Variants in FLNB observed in about 807,000 individuals in gnomAD.
The protein encoded by FLNB is filamin-B.
A neutral mutation model predicts 250.6 loss-of-function variants in FLNB; 111 were observed. That is an observed-to-expected ratio of 0.44 (90% confidence interval 0.38 to 0.52). The LOEUF (loss-of-function observed/expected upper bound fraction) is 0.52, where lower values mean the gene tolerates loss of function less well. Ranked by LOEUF, FLNB falls within the 20% of genes least tolerant of loss-of-function variation. FLNB has a pLI of 0.00. For synonymous variants in FLNB, 1,302 were observed against 1,372.1 expected (o/e 0.95, Z 1.13); for missense variants, 2,869 against 3,447.8 (o/e 0.83, Z 4.20).
At chr3:58,140,506 C>T (rs896544956) in intron 29 of FLNB, among the ~76,000 whole-genome samples, 9 of 152,220 alleles carry the variant, frequency 5.9e-5, no homozygotes, top group Non-Finnish European at 1.2e-4. Context: ...AATAGGCCTT[C>T]CTCTGTAGGA....
At chr3:58,148,614 TC>T in intron 35 of FLNB, 34 bp from the exon 36 acceptor site, 1 of 1,564,596 alleles carries the variant, frequency 6.4e-7, no homozygotes, top group South Asian at 1.1e-5. Flanking sequence ...CTCTCCGCCA[TC>T]CCCTTACAAG....
chr3:58,129,732 C>T (rs1462643175), intron 24 of FLNB, among the ~76,000 whole-genome samples: 6 of 152,214 alleles, frequency 3.9e-5, no homozygotes, highest in Admixed American at 2.0e-4. Flanking sequence ...TCAGCTTTCA[C>T]GGCAGTCATT....
chr3:58,018,567 G>A (rs1462242345), intron 1 of FLNB, among the ~76,000 whole-genome samples: 4 of 151,812 alleles, frequency 2.6e-5, no homozygotes, highest in Non-Finnish European at 4.4e-5. Flanking sequence ...CCAGGCTGGA[G>A]TACAGTGGCG....
At chr3:58,059,633 T>C (rs1375317465) in intron 1 of FLNB, among the ~76,000 whole-genome samples, 1 of 152,180 alleles carries the variant, frequency 6.6e-6, no homozygotes, top group Non-Finnish European at 1.5e-5. Context: ...TTGCCTGGCC[T>C]GCCCTTGGAC....
rs753404542 is a variant in FLNB at position 58,106,749 on chromosome 3, T to C, written c.1817T>C (p.Val606Ala). 6.2e-7 allele frequency: 1 copy of C among 1,614,172 alleles called. No individual in the cohort carries two copies. The highest frequency in any genetic ancestry group is 1.3e-5 in the African/African-American group (1 of 75,048). The change falls in exon 12 of 46, where the codon GTC becomes GCC. Residue 606 changes from valine to alanine, a missense_variant. Transcript: ENST00000295956. ...YNDQNDGSCD[V>A]KYWPKEPGEY... ...GACCAGAATGATGGATCGTGTGATG[T>C]CAAATACTGGCCCAAGGAGCCTGGC...
intron 1 of FLNB, among the ~76,000 whole-genome samples, chr3:58,062,597 G>A (rs1387585236): frequency 1.3e-5 from 2 of 152,176 alleles, no homozygotes; most frequent in Admixed American, 6.5e-5. Flanking sequence ...TTTTCTATCA[G>A]CAGTGGCCCC....
rs897317619 is a variant in FLNB, at chr3:58,172,019, G to A, written c.*1257G>A. On this transcript the variant is annotated 3_prime_UTR_variant, in exon 46 of 46. Coordinates refer to ENST00000295956, the MANE Select transcript of FLNB (RefSeq NM_001457.4). ...ATGTGTAGTGTGGTCTGGGCAGGCA[G>A]ACCTTTAGGTTTTGCTGCTTAGTCC... 4 of 152,488 alleles carry A rather than the reference G, an allele frequency of 2.6e-5. No homozygotes were observed. Among genetic ancestry groups the A allele is most frequent in the Non-Finnish European group, 5.9e-5 (4 of 68,068 alleles). The allele number at this position is 152,488 out of a possible 1,614,324, so 9.4% of individuals were successfully genotyped here.
intron 24 of FLNB, among the ~76,000 whole-genome samples, chr3:58,129,858 G>C (rs554332426): frequency 3.1e-4 from 47 of 152,308 alleles, no homozygotes; most frequent in African/African-American, 1.1e-3. Context: ...TGGATGGGGA[G>C]GTCCCCCTCC....
chr3:58,105,796 G>A (rs2097258586), intron 11 of FLNB, among the ~76,000 whole-genome samples: 1 of 152,174 alleles, frequency 6.6e-6, no homozygotes, highest in African/African-American at 2.4e-5. Context: ...AACTTTATTT[G>A]CAAAAGTAAG....
At chr3:58,139,218 AG>A (rs1249769539) in intron 29 of FLNB, among the ~76,000 whole-genome samples, 1 of 152,214 alleles carries the variant, frequency 6.6e-6, no homozygotes, top group Admixed American at 6.5e-5. Context: ...AACCAGGAAA[AG>A]GGTTAGAAAC....
chr3:58,122,101 G>A (rs553271898), intron 20 of FLNB, among the ~76,000 whole-genome samples: 58 of 147,628 alleles, frequency 3.9e-4, no homozygotes, highest in African/African-American at 1.2e-3. Context: ...CCTGGGAGGC[G>A]GAGCTTGCAG....
At chr3:58,016,618 G>A (rs2097106150) in intron 1 of FLNB, among the ~76,000 whole-genome samples, 1 of 151,926 alleles carries the variant, frequency 6.6e-6, no homozygotes, top group Middle Eastern at 3.4e-3. Flanking sequence ...TGGCTCTAAC[G>A]GATTATCTTA....
In FLNB at chr3:58,130,907, A is replaced by G. The variant is rs2097306256; in HGVS notation, c.4389A>G (p.Arg1463=). ...APLEVRVLGP[R]GLVEPVNVVD... The stretch of plus-strand genomic sequence containing the variant: ...TGGAAGTGAGGGTTCTGGGCCCACG[A>G]GGTAAGTGTGCACCCTGCCTTCCTG... Residue 1463 remains arginine, a splice_region_variant and synonymous_variant, in exon 25 of 46, where the codon CGA becomes CGG. Transcript: ENST00000295956. 1.2e-6 allele frequency: 2 copies of G among 1,609,964 alleles called. No individual in the cohort carries two copies. The highest frequency in any genetic ancestry group is 3.3e-5 in the Admixed American group (2 of 59,774).
intron 4 of FLNB, among the ~76,000 whole-genome samples, chr3:58,086,552 G>A (rs529837228): frequency 7.2e-5 from 11 of 152,104 alleles, no homozygotes; most frequent in African/African-American, 2.4e-4. Flanking sequence ...AAATTTATTT[G>A]TAGTTCTTTA....
intron 1 of FLNB, among the ~76,000 whole-genome samples, chr3:58,015,574 C>T (rs561736158): frequency 1.3e-5 from 2 of 152,318 alleles, no homozygotes; most frequent in South Asian, 4.1e-4. Flanking sequence ...GCCTCAGATA[C>T]TGCTCAGAGG....
chr3:58,146,334 T>C (rs1267972530), intron 33 of FLNB, among the ~76,000 whole-genome samples: 1 of 152,258 alleles, frequency 6.6e-6, no homozygotes, highest in Non-Finnish European at 1.5e-5. Flanking sequence ...GTTTTTGTTC[T>C]TGTTGCACAT....
intron 22 of FLNB, 128 bp from the exon 23 acceptor site, chr3:58,125,453 C>T (rs892441570): frequency 8.8e-7 from 1 of 1,138,320 alleles, no homozygotes; most frequent in Admixed American, 1.9e-5. Context: ...GTTTTTAACC[C>T]CCTTTTCCAA....
intron 8 of FLNB, among the ~76,000 whole-genome samples, chr3:58,100,577 C>T (rs1193714650): frequency 1.5e-5 from 2 of 135,062 alleles, no homozygotes; most frequent in Admixed American, 7.6e-5. Context: ...CTTTTTTTTT[C>T]TTTTTCTTTT....
rs371635453 is a variant in FLNB at position 58,125,759 on chromosome 3, C to T, written c.4061+16C>T. 1.2e-4 allele frequency: 192 copies of T among 1,613,320 alleles called. No individual in the cohort carries two copies. Among genetic ancestry groups the T allele is most frequent in the Non-Finnish European group, 1.6e-4 (187 of 1,179,532 alleles). On this transcript the variant is annotated intron_variant, in intron 23 of 45. Transcript: ENST00000295956. Reference sequence around the variant, plus strand: ...TGGTTACCAGGTAGGCAAGGCCCTACATTTGGTGTCTTGAGTCTCACTTTT... The same window carrying T: ...TGGTTACCAGGTAGGCAAGGCCCTATATTTGGTGTCTTGAGTCTCACTTTT...
Sources: gnomAD v4.1 joint callset for allele counts (sites outside exome capture counted in the v4.1 genomes callset) on GRCh38, gnomAD v4.1.1 for gene constraint, MANE v1.5 for transcripts, NCBI Gene and HGNC (gene_info 2026-07-23, HGNC 2026-07-21) for gene names.